The following PTCH1 variants were observed in gnomAD, a reference collection of about 807,000 sequenced individuals.
PTCH1 encodes patched 1.
A neutral mutation model predicts 144.6 loss-of-function variants in PTCH1; 14 were observed. The observed-to-expected ratio is 0.10, with a 90% CI of 0.06 to 0.15. The LOEUF (loss-of-function observed/expected upper bound fraction) is 0.15. PTCH1 is among the 10% of genes least tolerant of loss of function. The pLI, the probability that PTCH1 is intolerant of heterozygous loss-of-function variation, is 1.00. For synonymous variants in PTCH1, 833 were observed against 793.6 expected, an observed-to-expected ratio of 1.05 and a Z score of -0.83; for missense variants, 1,623 against 1,948.3, an observed-to-expected ratio of 0.83 and a Z score of 3.14.
At chr9:95,482,250 A>G in intron 3 of PTCH1, 47 bp from the exon 4 acceptor site, 1 of 1,516,812 alleles carries the variant, frequency 6.6e-7, no homozygotes, top group Non-Finnish European at 9.1e-7. Flanking sequence ...TGTAATAAGA[A>G]AATTAGTGCA....
At chr9:95,470,326 A>T (rs2118110985) in intron 12 of PTCH1, among the ~76,000 whole-genome samples, 1 of 152,324 alleles carries the variant, frequency 6.6e-6, no homozygotes, top group Non-Finnish European at 1.5e-5. Flanking sequence ...CCCTGATTTT[A>T]CAGTTAAACA....
chr9:95,492,325 C>A (rs1588636500), intron 2 of PTCH1, among the ~76,000 whole-genome samples: 1 of 151,984 alleles, frequency 6.6e-6, no homozygotes, highest in East Asian at 1.9e-4. Context: ...GGTTTTTTTA[C>A]TGGTAAGTAC....
chr9:95,462,977 C>A (rs888826587), intron 15 of PTCH1, among the ~76,000 whole-genome samples: 3 of 152,152 alleles, frequency 2.0e-5, no homozygotes, highest in African/African-American at 7.2e-5. Context: ...TGCGCACGCT[C>A]TCCGGGACAC....
intron 20 of PTCH1, 50 bp downstream of exon 20, chr9:95,453,428 C>A (rs761593864): frequency 2.0e-5 from 32 of 1,611,180 alleles, no homozygotes; most frequent in Non-Finnish European, 2.6e-5. Context: ...CTGCACCCGG[C>A]CCAATCACAA....
intron 15 of PTCH1, among the ~76,000 whole-genome samples, chr9:95,465,109 G>A (rs1466246621): frequency 1.3e-5 from 2 of 151,874 alleles, no homozygotes; most frequent in Non-Finnish European, 2.9e-5. Context: ...AACTCCAGCT[G>A]ATTTACATCT....
intron 2 of PTCH1, among the ~76,000 whole-genome samples, chr9:95,500,664 G>A (rs1843086751): frequency 6.6e-6 from 1 of 152,170 alleles, no homozygotes; most frequent in African/African-American, 2.4e-5. Flanking sequence ...GCTCCACAAG[G>A]GCTCCTGGGG....
upstream of PTCH1, chr9:95,513,985 T>C (rs1844258711): frequency 6.6e-6 from 1 of 152,288 alleles, no homozygotes; most frequent in Non-Finnish European, 1.5e-5. Flanking sequence ...TTTTTGAGCT[T>C]ACAGTGAGCT....
At chr9:95,483,487 G>A (rs1442588591) in intron 3 of PTCH1, 2 of 151,664 alleles carry the variant, frequency 1.3e-5, no homozygotes, top group Admixed American at 1.3e-4. Context: ...TCCTAAGGGA[G>A]GCCTGTCTTC....
chr9:95,455,963 A>C (rs1304076698), intron 19 of PTCH1, among the ~76,000 whole-genome samples: 2 of 152,206 alleles, frequency 1.3e-5, no homozygotes, highest in Non-Finnish European at 2.9e-5. Context: ...TCACAACGTC[A>C]GGAATCGTGG....
At position 95,480,370 on chromosome 9, in the gene PTCH1, C is replaced by A. The variant is rs374618901; in HGVS notation, c.945+20G>T. 6.2e-7 allele frequency: 1 copy of A among 1,608,770 alleles called. No homozygotes were observed. The highest frequency in any genetic ancestry group is 8.5e-7 in the Non-Finnish European group (1 of 1,178,912). ...GTTTTGCTCTCCACCCTTCTGAGAGCGCTCACTGCTGGTACTCACTTTGGT... is the reference window on the plus strand; with the variant it reads ...GTTTTGCTCTCCACCCTTCTGAGAGAGCTCACTGCTGGTACTCACTTTGGT... On this transcript the variant is annotated intron_variant, in intron 6 of 23. Transcript: ENST00000331920.
Position 95,478,181 on chromosome 9 carries a change from A to T in PTCH1, c.1221T>A (p.Val407=), listed in dbSNP as rs2118339817. The change falls in exon 9 of 24, where the codon GTT becomes GTA. Residue 407 remains valine (V), a synonymous_variant. Coordinates refer to ENST00000331920, the MANE Select transcript of PTCH1 (RefSeq NM_000264.5). ...EAWQRTYVEV[V]HQSVAQNSTQ... is the part of the protein sequence containing the mutation. ...TGGAGTTCTGTGCGACACTCTGATG[A>T]ACCACCTGTGGTCACAACAGAATGC... 1 of 1,614,194 alleles carries T rather than the reference A, an allele frequency of 6.2e-7. No individual in the cohort carries two copies. The highest frequency in any genetic ancestry group is 8.5e-7 in the Non-Finnish European group (1 of 1,180,036).
chr9:95,468,130 C>T (rs2117995548), intron 14 of PTCH1, among the ~76,000 whole-genome samples: 1 of 152,292 alleles, frequency 6.6e-6, no homozygotes, highest in African/African-American at 2.4e-5. Context: ...TGAAGTGGCA[C>T]CATCACGGCT....
At chr9:95,462,980 C>T (rs1043231194) in intron 15 of PTCH1, among the ~76,000 whole-genome samples, 21 of 152,072 alleles carry the variant, frequency 1.4e-4, no homozygotes, top group Admixed American at 4.6e-4. Flanking sequence ...GCACGCTCTC[C>T]GGGACACCCC....
chr9:95,482,122 A>G lies in PTCH1; in HGVS notation c.654+12T>C, dbSNP rs1841588620. Reference sequence around the variant, plus strand: ...TTCCTGAGAAATTTTTGCCAACAAGAAGAAAATATACCTGATCCATGTAAC... The same window carrying G: ...TTCCTGAGAAATTTTTGCCAACAAGGAGAAAATATACCTGATCCATGTAAC... On this transcript the variant is annotated intron_variant, in intron 4 of 23. Transcript: ENST00000331920. 2 of 1,613,882 alleles carry G rather than the reference A, an allele frequency of 1.2e-6. No individual in the cohort carries two copies. The highest frequency in any genetic ancestry group is 1.6e-4 in the Middle Eastern group (1 of 6,084).
intron 20 of PTCH1, chr9:95,452,878 ACC>A (rs1838587593): frequency 6.3e-6 from 1 of 159,936 alleles, no homozygotes; most frequent in East Asian, 1.8e-4. Context: ...AGTGTTTCTA[ACC>A]CGAGACAATA....
rs935977130 is a variant in PTCH1 at position 95,458,449 on chromosome 9, C to T, written c.2888-156G>A. On this transcript the variant is annotated intron_variant, in intron 17 of 23. Coordinates refer to ENST00000331920, the MANE Select transcript of PTCH1 (RefSeq NM_000264.5). The surrounding 1 kb of genome is among the most constrained non-coding windows in gnomAD (Gnocchi z 4.7). ...GCTGATCATAGCCTCCAGGCCTTTA[C>T]GATCTTCCCATTTGGTTTAAAAATG... Among the ~76,000 whole-genome samples the T allele has an allele frequency of 3.3e-5, 5 of 152,208 alleles. No individual in the cohort carries two copies. The highest frequency in any genetic ancestry group is 1.2e-4 in the African/African-American group (5 of 41,450).
At chr9:95,474,361 A>G (rs1450225480) in intron 12 of PTCH1, among the ~76,000 whole-genome samples, 1 of 152,086 alleles carries the variant, frequency 6.6e-6, no homozygotes, top group Non-Finnish European at 1.5e-5. Flanking sequence ...TGCTGAGCAG[A>G]CACACACCTG....
chr9:95,506,264 C>A, intron 2 of PTCH1, 143 bp downstream of exon 2: 1 of 1,003,608 alleles, frequency 1.0e-6, no homozygotes, highest in Non-Finnish European at 1.4e-6. Flanking sequence ...CGGCCAGGCG[C>A]CCAAACAATA....
At chr9:95,486,300 A>G (rs1405197269) in intron 2 of PTCH1, among the ~76,000 whole-genome samples, 1 of 152,280 alleles carries the variant, frequency 6.6e-6, no homozygotes, top group East Asian at 1.9e-4. Context: ...AAACTGGCAA[A>G]GGTAACAAGG....
Sources: gnomAD v4.1 joint callset for allele counts (sites outside exome capture counted in the v4.1 genomes callset) on GRCh38, gnomAD v4.1.1 for gene constraint, Gnocchi (gnomAD v3.1) non-coding constraint, MANE v1.5 for transcripts, NCBI Gene and HGNC (gene_info 2026-07-23, HGNC 2026-07-21) for gene names.